Variants in SIPA1L1 observed in about 807,000 individuals in gnomAD.
The protein encoded by SIPA1L1 is signal-induced proliferation-associated 1-like protein 1.
Under a neutral mutation model 162.7 loss-of-function variants are expected in SIPA1L1, and 26 were observed. The observed-to-expected ratio is 0.16, with a 90% CI of 0.12 to 0.22. The LOEUF (loss-of-function observed/expected upper bound fraction) is 0.22. Ranked by LOEUF, SIPA1L1 falls within the 10% of genes least tolerant of loss-of-function variation. The pLI is 1.00. For synonymous variants in SIPA1L1, 829 were observed against 837.4 expected (o/e 0.99, Z 0.17); for missense variants, 1,874 against 2,241.0 (o/e 0.84, Z 3.31).
At chr14:71,616,435 T>TCTC (rs1471482228) in intron 5 of SIPA1L1, among the ~76,000 whole-genome samples, 1 of 152,172 alleles carries the variant, frequency 6.6e-6, no homozygotes, top group Non-Finnish European at 1.5e-5. Flanking sequence ...ATTCTTTAGT[T>TCTC]CTGACAGGTC....
chr14:71,581,827 A>G (rs574808055), intron 4 of SIPA1L1, among the ~76,000 whole-genome samples: 1 of 152,272 alleles, frequency 6.6e-6, no homozygotes, highest in South Asian at 2.1e-4. Flanking sequence ...CACACCTCAA[A>G]CACTATTTTC....
chr14:71,463,520 T>C (rs970576647), intron 2 of SIPA1L1, among the ~76,000 whole-genome samples: 1 of 152,172 alleles, frequency 6.6e-6, no homozygotes, highest in Non-Finnish European at 1.5e-5. Flanking sequence ...TGTCTGATCA[T>C]TTCCCTTTCC....
intron 5 of SIPA1L1, among the ~76,000 whole-genome samples, chr14:71,605,039 A>C (rs533577212): frequency 1.3e-5 from 2 of 152,196 alleles, no homozygotes; most frequent in Admixed American, 1.3e-4. Flanking sequence ...TGATTGCTTT[A>C]TAATGTCTCA....
At chr14:71,407,458 CTCCCTCCCT>C (rs1409106893) in intron 2 of SIPA1L1, among the ~76,000 whole-genome samples, 1 of 146,948 alleles carries the variant, frequency 6.8e-6, no homozygotes, top group African/African-American at 2.5e-5. Context: ...TCTTCTCTCC[CTCCCTCCCT>C]TCCCTCCATT....
At chr14:71,475,975 A>C (rs770175165) in intron 2 of SIPA1L1, among the ~76,000 whole-genome samples, 2 of 152,182 alleles carry the variant, frequency 1.3e-5, no homozygotes, top group African/African-American at 2.4e-5. Context: ...CCTCACTTTC[A>C]TTTACTCCAT....
intron 3 of SIPA1L1, among the ~76,000 whole-genome samples, chr14:71,514,972 A>G (rs550674524): frequency 6.6e-6 from 1 of 152,218 alleles, no homozygotes; most frequent in Non-Finnish European, 1.5e-5. Context: ...TCTTAGTGAC[A>G]GGAGAGCATG....
intron 4 of SIPA1L1, among the ~76,000 whole-genome samples, chr14:71,542,413 G>GCTT (rs1426194015): frequency 1.4e-5 from 2 of 142,208 alleles, no homozygotes; most frequent in African/African-American, 5.3e-5. Flanking sequence ...TGCTGCTTCT[G>GCTT]CTTCTTCTTC....
At chr14:71,640,132 G>C (rs2041562244) in intron 7 of SIPA1L1, among the ~76,000 whole-genome samples, 1 of 152,146 alleles carries the variant, frequency 6.6e-6, no homozygotes, top group Admixed American at 6.5e-5. Context: ...TCAAACTCCT[G>C]ATCTCAAGTG....
intron 13 of SIPA1L1, among the ~76,000 whole-genome samples, 180 bp downstream of exon 13, chr14:71,685,811 A>G (rs1044780448): frequency 5.3e-5 from 8 of 152,210 alleles, no homozygotes; most frequent in Admixed American, 2.0e-4. Context: ...GGATCAACAG[A>G]GATTGATTCT....
At chr14:71,459,021 A>G (rs1275414476) in intron 2 of SIPA1L1, among the ~76,000 whole-genome samples, 3 of 152,032 alleles carry the variant, frequency 2.0e-5, no homozygotes, top group African/African-American at 7.2e-5. Flanking sequence ...GCAGTGAGCC[A>G]AGATCATGTC....
chr14:71,671,014 A>C (rs957984017), intron 10 of SIPA1L1, 105 bp from the exon 11 acceptor site: 10 of 875,798 alleles, frequency 1.1e-5, no homozygotes, highest in Middle Eastern at 4.8e-4. Context: ...ATAAGCAGCT[A>C]TTTTGTATCT....
chr14:71,562,078 T>G (rs1030799661), intron 4 of SIPA1L1, among the ~76,000 whole-genome samples: 1 of 151,982 alleles, frequency 6.6e-6, no homozygotes, highest in Non-Finnish European at 1.5e-5. Context: ...TCTGAACAAT[T>G]TGTGTAAACT....
rs531135617 is a variant in SIPA1L1, at chr14:71,692,498, T to C, written c.3375-6483T>C. The stretch of plus-strand genomic sequence containing the variant: ...TGACCGGACTCTGAAGGCTCCTGTT[T>C]TCCACTCCTTGCAGGAAACAGCGTA... On this transcript the variant is annotated intron_variant, in intron 13 of 23. Coordinates refer to ENST00000381232, the MANE Select transcript of SIPA1L1 (RefSeq NM_001386936.1). Among the ~76,000 whole-genome samples, 3 of 152,332 alleles carry C rather than the reference T, an allele frequency of 2.0e-5. No homozygotes were observed. The South Asian group carries it at 6.2e-4, about 32-fold the overall frequency.
chr14:71,502,255 A>AAAAAATAT (rs67020418), intron 2 of SIPA1L1, among the ~76,000 whole-genome samples: 3 of 97,552 alleles, frequency 3.1e-5, no homozygotes, highest in African/African-American at 9.0e-5. Flanking sequence ...AAAAAAAAAA[A>AAAAAATAT]ATATATATAT....
intron 5 of SIPA1L1, among the ~76,000 whole-genome samples, chr14:71,597,342 TATTA>T (rs886263905): frequency 3.9e-5 from 6 of 152,258 alleles, no homozygotes; most frequent in South Asian, 2.1e-4. Context: ...TCTCTATTGG[TATTA>T]ATTAAGATTT....
chr14:71,698,381 T>C (rs887482104), intron 13 of SIPA1L1, among the ~76,000 whole-genome samples: 3 of 152,264 alleles, frequency 2.0e-5, no homozygotes, highest in Non-Finnish European at 2.9e-5. Flanking sequence ...TCTACTGTGA[T>C]ATTATATACA....
chr14:71,653,407 A>G (rs1038294842), intron 8 of SIPA1L1, among the ~76,000 whole-genome samples: 7 of 152,170 alleles, frequency 4.6e-5, no homozygotes, highest in African/African-American at 9.6e-5. Flanking sequence ...CAAGACTCAA[A>G]GGGACCCCTA....
intron 2 of SIPA1L1, among the ~76,000 whole-genome samples, chr14:71,505,554 T>C (rs2050595375): frequency 6.6e-6 from 1 of 152,040 alleles, no homozygotes; most frequent in South Asian, 2.1e-4. Context: ...GCTCCATAAA[T>C]GTATCACTCC....
chr14:71,465,550 A>G (rs1419308682), intron 2 of SIPA1L1, among the ~76,000 whole-genome samples: 1 of 152,166 alleles, frequency 6.6e-6, no homozygotes, highest in African/African-American at 2.4e-5. Context: ...ATAACTCTAA[A>G]CAGTTCGTGC....
Sources: gnomAD v4.1 joint callset for allele counts (sites outside exome capture counted in the v4.1 genomes callset) on GRCh38, gnomAD v4.1.1 for gene constraint, MANE v1.5 for transcripts, NCBI Gene and HGNC (gene_info 2026-07-23, HGNC 2026-07-21) for gene names.